Variants in AUH observed in about 807,000 individuals in gnomAD.
The protein encoded by AUH is methylglutaconyl-CoA hydratase, mitochondrial.
AUH carries 29 observed loss-of-function variants against 42.3 expected under a neutral mutation model. The observed-to-expected ratio is 0.69, with a 90% CI of 0.51 to 0.93. AUH has a LOEUF of 0.93. AUH is among the 40% of genes least tolerant of loss of function. The pLI is 0.00. For synonymous variants in AUH, 174 were observed against 166.4 expected (o/e 1.05, Z -0.35); for missense variants, 452 against 438.1 (o/e 1.03, Z -0.28).
chr9:91,357,087 C>T (rs2132090762), intron 1 of AUH, among the ~76,000 whole-genome samples: 1 of 152,306 alleles, frequency 6.6e-6, no homozygotes, highest in South Asian at 2.1e-4. Context: ...AGTAAATTTG[C>T]AAGAATTCCA....
chr9:91,358,791 A>C (rs752755424), intron 1 of AUH, among the ~76,000 whole-genome samples: 1 of 152,236 alleles, frequency 6.6e-6, no homozygotes, highest in Admixed American at 6.5e-5. Flanking sequence ...GAGTACTTCC[A>C]CTTCAAAAAG....
chr9:91,284,506 T>C (rs1826239886), intron 6 of AUH, among the ~76,000 whole-genome samples: 1 of 152,156 alleles, frequency 6.6e-6, no homozygotes, highest in African/African-American at 2.4e-5. Flanking sequence ...CAAAAGAAAC[T>C]GCCATCAGCG....
intron 3 of AUH, among the ~76,000 whole-genome samples, chr9:91,347,883 T>C (rs959235279): frequency 1.3e-5 from 2 of 151,844 alleles, no homozygotes; most frequent in Non-Finnish European, 1.5e-5. Context: ...AACCTGCACA[T>C]TGTGCACACG....
intron 4 of AUH, among the ~76,000 whole-genome samples, chr9:91,314,896 A>C (rs1465603594): frequency 6.6e-6 from 1 of 152,218 alleles, no homozygotes; most frequent in African/African-American, 2.4e-5. Context: ...CCATCTACAG[A>C]GGAGGCGCAA....
At chr9:91,229,985 T>G (rs1455565662) in intron 6 of AUH, among the ~76,000 whole-genome samples, 2 of 151,988 alleles carry the variant, frequency 1.3e-5, no homozygotes, top group Non-Finnish European at 1.5e-5. Flanking sequence ...TGGCTGCCCT[T>G]AACATTTTTT....
intron 6 of AUH, among the ~76,000 whole-genome samples, chr9:91,236,078 A>G (rs1428088525): frequency 6.6e-6 from 1 of 152,238 alleles, no homozygotes; most frequent in Non-Finnish European, 1.5e-5. Flanking sequence ...GGAAGTACAG[A>G]TGGATGGAGG....
chr9:91,265,568 T>C (rs912800476), intron 6 of AUH, among the ~76,000 whole-genome samples: 1 of 152,190 alleles, frequency 6.6e-6, no homozygotes, highest in African/African-American at 2.4e-5. Flanking sequence ...TTGGCATATT[T>C]TGGGGGAGGG....
At chr9:91,248,920 A>G (rs747628585) in intron 6 of AUH, among the ~76,000 whole-genome samples, 1 of 152,204 alleles carries the variant, frequency 6.6e-6, no homozygotes, top group Non-Finnish European at 1.5e-5. Flanking sequence ...CTCACGGTCA[A>G]CACTGTGATA....
chr9:91,263,579 AT>A (rs747417677), intron 6 of AUH, among the ~76,000 whole-genome samples: 1 of 152,210 alleles, frequency 6.6e-6, no homozygotes, highest in Non-Finnish European at 1.5e-5. Flanking sequence ...ATTAGGAAAT[AT>A]TTTAAGTGTT....
chr9:91,256,123 A>C (rs1310567048), intron 6 of AUH, among the ~76,000 whole-genome samples: 1 of 152,190 alleles, frequency 6.6e-6, no homozygotes, highest in African/African-American at 2.4e-5. Flanking sequence ...TACTCCATTA[A>C]ATCAGTTAGT....
At chr9:91,257,619 T>C (rs1326284065) in intron 6 of AUH, among the ~76,000 whole-genome samples, 1 of 152,210 alleles carries the variant, frequency 6.6e-6, no homozygotes, top group South Asian at 2.1e-4. Flanking sequence ...GCAGGTCTAT[T>C]TCTGGAATTT....
At chr9:91,251,842 T>C (rs1002566769) in intron 6 of AUH, among the ~76,000 whole-genome samples, 2 of 152,212 alleles carry the variant, frequency 1.3e-5, no homozygotes, top group Admixed American at 6.5e-5. Flanking sequence ...TTTCCTGCAT[T>C]CCAGTACCTT....
intron 6 of AUH, among the ~76,000 whole-genome samples, chr9:91,270,892 G>T (rs1825070202): frequency 6.6e-6 from 1 of 151,992 alleles, no homozygotes. Flanking sequence ...TCAGTTGGAG[G>T]TTGCTACTGC....
chr9:91,217,878 T>TA (rs1826917034), intron 7 of AUH, among the ~76,000 whole-genome samples: 1 of 152,158 alleles, frequency 6.6e-6, no homozygotes, highest in Admixed American at 6.5e-5. Context: ...GAAGTCTACA[T>TA]AAGTCTTTCA....
At chr9:91,303,597 G>C (rs985726812) in intron 4 of AUH, among the ~76,000 whole-genome samples, 1 of 152,190 alleles carries the variant, frequency 6.6e-6, no homozygotes, top group Non-Finnish European at 1.5e-5. Flanking sequence ...AAAGTGCTGG[G>C]ATTACAGGCG....
intron 6 of AUH, among the ~76,000 whole-genome samples, chr9:91,282,936 G>A (rs1157790058): frequency 6.6e-6 from 1 of 152,186 alleles, no homozygotes; most frequent in Non-Finnish European, 1.5e-5. Context: ...AACAGAAAAA[G>A]AGGGAATCTT....
At chr9:91,244,712 G>A (rs1828702186) in intron 6 of AUH, among the ~76,000 whole-genome samples, 3 of 152,260 alleles carry the variant, frequency 2.0e-5, no homozygotes, top group South Asian at 4.2e-4. Flanking sequence ...GGCAATCCCT[G>A]TCCTGTATCC....
intron 6 of AUH, among the ~76,000 whole-genome samples, chr9:91,245,153 G>A (rs894845155): frequency 2.0e-5 from 3 of 152,174 alleles, no homozygotes; most frequent in African/African-American, 7.2e-5. Context: ...CAAGCATGAA[G>A]AGCAGGGCTG....
chr9:91,244,949 C>G (rs1380811417), intron 6 of AUH, among the ~76,000 whole-genome samples: 1 of 152,156 alleles, frequency 6.6e-6, no homozygotes, highest in East Asian at 1.9e-4. Flanking sequence ...ACACTGAAAA[C>G]AAAATATGCA....
Sources: gnomAD v4.1 joint callset for allele counts (sites outside exome capture counted in the v4.1 genomes callset) on GRCh38, gnomAD v4.1.1 for gene constraint, MANE v1.5 for transcripts, NCBI Gene and HGNC (gene_info 2026-07-23, HGNC 2026-07-21) for gene names.